Variants in CSMD1 observed in about 807,000 individuals in gnomAD.
CSMD1 encodes the protein CUB and sushi domain-containing protein 1.
A neutral mutation model predicts 417.5 loss-of-function variants in CSMD1; 213 were observed. That is an observed-to-expected ratio of 0.51 (90% CI 0.46 to 0.57). The LOEUF (loss-of-function observed/expected upper bound fraction) is 0.57. Ranked by LOEUF, CSMD1 falls within the 20% of genes least tolerant of loss-of-function variation. The probability of loss-of-function intolerance (pLI) is 0.00; values close to 1 mark genes in which losing one functional copy is unlikely to be tolerated. For missense variants in CSMD1, 6,923 were observed against 4,529.7 expected, an observed-to-expected ratio of 1.53 and a Z score of -15.17; for synonymous variants, 2,862 against 1,736.8, an observed-to-expected ratio of 1.65 and a Z score of -16.11.
intron 3 of CSMD1, among the ~76,000 whole-genome samples, chr8:4,382,069 C>T (rs941679052): frequency 5.3e-5 from 8 of 152,196 alleles, no homozygotes; most frequent in African/African-American, 1.7e-4. Context: ...GACTCTCAGC[C>T]ATGACTTTCC....
At chr8:3,367,789 T>TATATA (rs1402487967) in intron 19 of CSMD1, among the ~76,000 whole-genome samples, 1 of 152,180 alleles carries the variant, frequency 6.6e-6, no homozygotes, top group Non-Finnish European at 1.5e-5. Context: ...GATGTACATA[T>TATATA]TGGCATAGAT....
chr8:4,076,224 T>C (rs1311445580), intron 3 of CSMD1, among the ~76,000 whole-genome samples: 2 of 152,124 alleles, frequency 1.3e-5, no homozygotes, highest in Non-Finnish European at 2.9e-5. Flanking sequence ...AAGGGGCTTT[T>C]CCCCCGTTTC....
chr8:3,583,055 C>A (rs978897321), intron 9 of CSMD1, among the ~76,000 whole-genome samples: 1 of 152,074 alleles, frequency 6.6e-6, no homozygotes, highest in Non-Finnish European at 1.5e-5. Flanking sequence ...CCTTACAGAG[C>A]AACTCCTGCC....
chr8:4,285,721 C>T (rs10086473), intron 3 of CSMD1, among the ~76,000 whole-genome samples: 1 of 152,136 alleles, frequency 6.6e-6, no homozygotes, highest in Non-Finnish European at 1.5e-5. Context: ...GTCAGGGCCA[C>T]AGGCTTCTCA....
chr8:3,294,112 G>A (rs1803782779), intron 25 of CSMD1, among the ~76,000 whole-genome samples: 1 of 152,180 alleles, frequency 6.6e-6, no homozygotes, highest in Non-Finnish European at 1.5e-5. Context: ...GTTTGCCTGG[G>A]TATCAGCAGC....
At chr8:3,934,687 C>T (rs1810368222) in intron 5 of CSMD1, among the ~76,000 whole-genome samples, 4 of 151,974 alleles carry the variant, frequency 2.6e-5, no homozygotes, top group Admixed American at 2.6e-4. Flanking sequence ...AACCCTGTCT[C>T]TACTAAACAT....
chr8:4,254,742 C>G (rs1554509404), intron 3 of CSMD1, among the ~76,000 whole-genome samples: 5 of 152,104 alleles, frequency 3.3e-5, no homozygotes, highest in Non-Finnish European at 4.4e-5. Context: ...TTCAGATCTG[C>G]AAAGTCTTAC....
At chr8:3,951,549 G>T (rs532188171) in intron 5 of CSMD1, among the ~76,000 whole-genome samples, 1 of 152,074 alleles carries the variant, frequency 6.6e-6, no homozygotes, top group African/African-American at 2.4e-5. Context: ...ATCTATCTAA[G>T]TAAAATACAT....
At chr8:4,924,352 G>A (rs4633074) in intron 1 of CSMD1, among the ~76,000 whole-genome samples, 78,914 of 151,558 alleles carry the variant, frequency 0.52, 21,715 homozygotes, top group African/African-American at 0.66. Flanking sequence ...GAATTTGAAC[G>A]TTTTCTGTTC....
chr8:3,905,648 C>G (rs539652100), intron 5 of CSMD1, among the ~76,000 whole-genome samples: 1 of 152,210 alleles, frequency 6.6e-6, no homozygotes, highest in Non-Finnish European at 1.5e-5. Flanking sequence ...CTGTCCCAGG[C>G]AATGCTCATA....
chr8:4,688,319 A>T (rs991737972), intron 1 of CSMD1, among the ~76,000 whole-genome samples: 1 of 152,152 alleles, frequency 6.6e-6, no homozygotes, highest in African/African-American at 2.4e-5. Flanking sequence ...TGGGCTTGGG[A>T]TGCAGGTCAA....
At chr8:3,743,881 A>C (rs1443606515) in intron 6 of CSMD1, among the ~76,000 whole-genome samples, 1 of 152,216 alleles carries the variant, frequency 6.6e-6, no homozygotes, top group Admixed American at 6.5e-5. Flanking sequence ...TGTAAAATCC[A>C]GATTCCCTGC....
chr8:4,974,999 G>T (rs978130000), intron 1 of CSMD1, among the ~76,000 whole-genome samples: 1 of 152,134 alleles, frequency 6.6e-6, no homozygotes, highest in African/African-American at 2.4e-5. Context: ...GTGAGAAAAT[G>T]GATGTTTTTT....
intron 3 of CSMD1, among the ~76,000 whole-genome samples, chr8:4,105,343 T>G (rs1032340208): frequency 3.3e-5 from 5 of 152,014 alleles, no homozygotes; most frequent in African/African-American, 1.2e-4. Context: ...CTGAATTTTT[T>G]TTTTATGTTT....
intron 12 of CSMD1, among the ~76,000 whole-genome samples, chr8:3,443,983 G>T (rs1372433463): frequency 6.6e-6 from 1 of 152,124 alleles, no homozygotes; most frequent in Non-Finnish European, 1.5e-5. Flanking sequence ...AAGGACTACA[G>T]ATATACAATG....
At chr8:3,797,354 G>T (rs904002321) in intron 5 of CSMD1, among the ~76,000 whole-genome samples, 10 of 152,000 alleles carry the variant, frequency 6.6e-5, no homozygotes, top group Admixed American at 4.6e-4. Context: ...ACTGTCACAA[G>T]TAGAGCCCAC....
chr8:3,527,482 A>G (rs1797800700), intron 10 of CSMD1, among the ~76,000 whole-genome samples: 1 of 152,076 alleles, frequency 6.6e-6, no homozygotes, highest in Non-Finnish European at 1.5e-5. Flanking sequence ...TCACTATGAA[A>G]AGGTTTCCCA....
intron 8 of CSMD1, among the ~76,000 whole-genome samples, chr8:3,601,606 C>G (rs1268647853): frequency 6.6e-6 from 1 of 152,156 alleles, no homozygotes; most frequent in East Asian, 1.9e-4. Context: ...GAATAAGATG[C>G]TGCAAAATTT....
chr8:4,648,859 C>A (rs1410900590), intron 1 of CSMD1, among the ~76,000 whole-genome samples: 2 of 152,050 alleles, frequency 1.3e-5, no homozygotes, highest in African/African-American at 4.8e-5. Flanking sequence ...GTATGCACAC[C>A]CACCACAGTA....
Sources: allele counts gnomAD v4.1 joint callset (sites outside exome capture counted in the v4.1 genomes callset), GRCh38; gene constraint gnomAD v4.1.1; transcripts MANE v1.5; gene names NCBI Gene and HGNC (gene_info 2026-07-23, HGNC 2026-07-21).